The following CELSR2 variants were observed in gnomAD, a reference collection of about 807,000 sequenced individuals.
CELSR2 encodes the protein cadherin EGF LAG seven-pass G-type receptor 2.
Under a neutral mutation model 251.6 loss-of-function variants are expected in CELSR2, and 81 were observed. The ratio of observed to expected loss-of-function variants is 0.32; its 90% confidence interval spans 0.27 to 0.39. The LOEUF (loss-of-function observed/expected upper bound fraction) is 0.39. Among genes scored for constraint, CELSR2 ranks in the 10% least tolerant of loss-of-function variants. The pLI is 1.00. For synonymous variants in CELSR2, 1,721 were observed against 1,670.5 expected, an observed-to-expected ratio of 1.03 and a Z score of -0.74; for missense variants, 3,365 against 3,947.7, an observed-to-expected ratio of 0.85 and a Z score of 3.96.
In CELSR2 at chr1:109,270,147, ACT is replaced by A. The variant is rs1390663395; in HGVS notation, c.7308+15_7308+16del. 51 of 1,612,574 alleles carry A rather than the reference ACT, an allele frequency of 3.2e-5. No individual in the cohort carries two copies. Among genetic ancestry groups the A allele is most frequent in the Non-Finnish European group, 4.0e-5 (47 of 1,179,592 alleles). On this transcript the variant is annotated intron_variant, in intron 23 of 33. Transcript: ENST00000271332. ...GCTGACCTCCCTGTAAGATGCTCCTACTGCCCAGAAACTGTCCCCACCTTCTC... is the reference window on the plus strand; with the variant it reads ...GCTGACCTCCCTGTAAGATGCTCCTAGCCCAGAAACTGTCCCCACCTTCTC...
In CELSR2 at chr1:109,264,353, G is replaced by T; in HGVS notation, c.5277G>T (p.Arg1759=). The part of the protein sequence containing the change: ...GPAGGVARGF[R]GCLQGVRVSD... The stretch of plus-strand genomic sequence containing the variant: ...CCGGCGGTGTGGCCCGTGGCTTTCG[G>T]GGCTGTTTGCAGGTGAGTGTCCTGC... The change falls in exon 10 of 34, where the codon CGG becomes CGT. Residue 1759 remains arginine (R), a synonymous_variant. Transcript: ENST00000271332. 1 of 1,607,940 alleles carries T rather than the reference G, an allele frequency of 6.2e-7. No individual in the cohort carries two copies. Among genetic ancestry groups the T allele is most frequent in the Non-Finnish European group, 8.5e-7 (1 of 1,175,478 alleles).
At position 109,251,928 on chromosome 1, in the gene CELSR2, G is replaced by A. The variant is rs955665121; in HGVS notation, c.1849G>A (p.Val617Met). The A allele has an allele frequency of 1.9e-6, 3 of 1,614,162 alleles. No individual in the cohort carries two copies. Among genetic ancestry groups the A allele is most frequent in the East Asian group, 2.2e-5 (1 of 44,886 alleles). The change falls in exon 1 of 34, where the codon GTG (valine) becomes ATG (methionine). Residue 617 changes from valine (V) to methionine (M), a missense_variant. Coordinates refer to ENST00000271332, the MANE Select transcript of CELSR2 (RefSeq NM_001408.3). The surrounding 1 kb of genome is among the most constrained non-coding windows in gnomAD (Gnocchi z 4.9). ...NPTFTQPEYT[V>M]RLNEDAAVGT... ...AACCTTTACCCAACCAGAGTACACA[G>A]TGCGGCTCAATGAGGATGCAGCTGT... is the stretch of plus-strand genomic sequence containing the variant.
Position 109,258,688 on chromosome 1 carries a change from G to C in CELSR2, c.3567G>C (p.Gln1189His). ...HILNVSLSVGQPPGPGGGPPF... is the reference protein window; with the variant it reads ...HILNVSLSVGHPPGPGGGPPF... Reference sequence around the variant, plus strand: ...TCAACGTGAGCCTGTCGGTGGGCCAGCCGCCAGGGCCCGGGGGCGGGCCGC... The same window carrying C: ...TCAACGTGAGCCTGTCGGTGGGCCACCCGCCAGGGCCCGGGGGCGGGCCGC... Residue 1189 changes from glutamine to histidine, a missense_variant, in exon 2 of 34, where the codon CAG (glutamine) becomes CAC (histidine). Gln to His is a conservative substitution (Grantham distance 24, BLOSUM62 0). Transcript: ENST00000271332. 1 of 1,547,892 alleles carries C rather than the reference G, an allele frequency of 6.5e-7. No individual in the cohort carries two copies. Among genetic ancestry groups the C allele is most frequent in the Non-Finnish European group, 8.7e-7 (1 of 1,145,272 alleles).
At chr1:109,268,252 T>C (rs867997186) in intron 17 of CELSR2, among the ~76,000 whole-genome samples, 192 bp downstream of exon 17, 5 of 151,984 alleles carry the variant, frequency 3.3e-5, no homozygotes, top group South Asian at 2.1e-4. Flanking sequence ...TAGTAACATA[T>C]GTGTGTTGGG....
rs1212789624 is a variant in CELSR2 at position 109,263,960 on chromosome 1, C to T, written c.5002-118C>T. 2.1e-6 allele frequency: 3 copies of T among 1,426,362 alleles called. No individual in the cohort carries two copies. The Admixed American group carries it at 6.8e-5, about 32-fold the overall frequency. The allele number at this position is 1,426,362 out of a possible 1,614,324, so 88.4% of individuals were successfully genotyped here. ...CTGAGGGAAATAAATACGCTTTCCT[C>T]TCTATGGCCTCAGCTGGGCAGCGGG... On this transcript the variant is annotated intron_variant, in intron 9 of 33. Coordinates refer to ENST00000271332, the MANE Select transcript of CELSR2 (RefSeq NM_001408.3).
chr1:109,251,669 C>T lies in CELSR2; in HGVS notation c.1590C>T (p.Ile530=), dbSNP rs200453526. 31 of 1,613,926 alleles carry T rather than the reference C, an allele frequency of 1.9e-5. No homozygotes were observed. Among genetic ancestry groups the T allele is most frequent in the African/African-American group, 4.0e-5 (3 of 74,874 alleles). ...ACCTGGTTCTCCATGTCCAGGCTAT[C>T]GACGCTGATGCTGGTGACAATGCCC... ...LGYLVLHVQA[I]DADAGDNARL... is the part of the protein sequence containing the mutation. Residue 530 remains isoleucine, a synonymous_variant, in exon 1 of 34, where the codon ATC becomes ATT. Coordinates refer to ENST00000271332, the MANE Select transcript of CELSR2 (RefSeq NM_001408.3). This position sits in a 1 kb window ranked among gnomAD's most constrained non-coding sequence, Gnocchi z 4.9.
chr1:109,264,818 G>A, intron 11 of CELSR2, 50 bp from the exon 12 acceptor site: 5 of 1,612,844 alleles, frequency 3.1e-6, no homozygotes, highest in Non-Finnish European at 4.2e-6. Context: ...ATGGAAGATG[G>A]TGCCAGGGGA....
At position 109,252,897 on chromosome 1, in the gene CELSR2, G is replaced by A. The variant is rs762773564; in HGVS notation, c.2818G>A (p.Val940Met). Residue 940 changes from valine to methionine, a missense_variant, in exon 1 of 34, where the codon GTG becomes ATG. By Grantham distance (21) the Val-to-Met change is conservative (BLOSUM62 1). Transcript: ENST00000271332. This position sits in a 1 kb window ranked among gnomAD's most constrained non-coding sequence, Gnocchi z 4.8. ...AGAGAACAGCCCCATTGGGCTAGCC[G>A]TGGCCCGGGTCACAGCCACTGACCC... is the stretch of plus-strand genomic sequence containing the variant. The part of the protein sequence containing the change: ...VEENSPIGLA[V>M]ARVTATDPDE... 5 of 1,612,412 alleles carry A rather than the reference G, an allele frequency of 3.1e-6. No homozygotes were observed. Among genetic ancestry groups the A allele is most frequent in the East Asian group, 2.2e-5 (1 of 44,868 alleles).
At chr1:109,273,835 C>A in intron 33 of CELSR2, 165 bp downstream of exon 33, 1 of 1,014,984 alleles carries the variant, frequency 9.9e-7, no homozygotes, top group Non-Finnish European at 1.5e-6. Flanking sequence ...AACCATGGTG[C>A]CTTGCGGGGA....
At position 109,250,931 on chromosome 1, in the gene CELSR2, C is replaced by T. The variant is rs1230949720; in HGVS notation, c.852C>T (p.Asp284=). 2 of 1,613,696 alleles carry T rather than the reference C, an allele frequency of 1.2e-6. No individual in the cohort carries two copies. Among genetic ancestry groups the T allele is most frequent in the South Asian group, 1.1e-5 (1 of 91,090 alleles). Residue 284 remains aspartate (D), a synonymous_variant, in exon 1 of 34, where the codon GAC becomes GAT. Transcript: ENST00000271332. This position sits in a 1 kb window ranked among gnomAD's most constrained non-coding sequence, Gnocchi z 4.4. The part of the protein sequence containing the change: ...TLTILVTDTN[D]HDPVFEQQEY... ...CCATCTTGGTTACTGACACCAATGACCATGACCCTGTGTTCGAGCAGCAGG... is the reference window on the plus strand; with the variant it reads ...CCATCTTGGTTACTGACACCAATGATCATGACCCTGTGTTCGAGCAGCAGG...
rs1656494277 is a variant in CELSR2, at chr1:109,275,159, AC to A, written c.*1114del. ...CCTGTTCCTCTTTCTCCCCGACTCCACCCCAGCTCCCTGTGAAGAGAGAGTT... is the reference window on the plus strand; with the variant it reads ...CCTGTTCCTCTTTCTCCCCGACTCCACCCAGCTCCCTGTGAAGAGAGAGTT... On this transcript the variant is annotated 3_prime_UTR_variant, in exon 34 of 34. Transcript: ENST00000271332. 6.6e-6 allele frequency: 1 copy of A among 151,614 alleles called. No individual in the cohort carries two copies. Among genetic ancestry groups the A allele is most frequent in the Middle Eastern group, 3.1e-3 (1 of 318 alleles). The allele number at this position is 151,614 out of a possible 1,614,324, so 9.4% of individuals were successfully genotyped here. A position where few individuals can be genotyped will look rare whatever the true frequency, so the allele number is the denominator to read the frequency against.
At position 109,261,900 on chromosome 1, in the gene CELSR2, G is replaced by T. The variant is rs1191768931; in HGVS notation, c.4386+4G>T. The T allele has an allele frequency of 1.9e-6, 3 of 1,570,950 alleles. No individual in the cohort carries two copies. Among genetic ancestry groups the T allele is most frequent in the East Asian group, 2.4e-5 (1 of 42,252 alleles). ...GCAGCTGAAATACTACAATAAGGTGGGTGTGGAGGGCACAGAGGGTTGGGG... is the reference window on the plus strand; with the variant it reads ...GCAGCTGAAATACTACAATAAGGTGTGTGTGGAGGGCACAGAGGGTTGGGG... On this transcript the variant is annotated splice_donor_region_variant and intron_variant, in intron 5 of 33. Transcript: ENST00000271332. This position sits in a 1 kb window ranked among gnomAD's most constrained non-coding sequence, Gnocchi z 4.8.
intron 2 of CELSR2, among the ~76,000 whole-genome samples, chr1:109,259,951 T>G (rs1486040123): frequency 1.3e-5 from 2 of 152,036 alleles, no homozygotes; most frequent in Admixed American, 6.5e-5. Context: ...CCCTTCCCTG[T>G]GGGCCTTTCC....
At position 109,263,676 on chromosome 1, in the gene CELSR2, A is replaced by G. The variant is rs1175356544; in HGVS notation, c.4900A>G (p.Ile1634Val). 3 of 1,613,958 alleles carry G rather than the reference A, an allele frequency of 1.9e-6. No individual in the cohort carries two copies. The highest frequency in any genetic ancestry group is 2.2e-5 in the East Asian group (1 of 44,876). The change falls in exon 9 of 34, where the codon ATC becomes GTC. Residue 1634 changes from isoleucine to valine, a missense_variant. By Grantham distance (29) the Ile-to-Val change is conservative (BLOSUM62 3). This residue lies in a region of CELSR2 where 2,093 missense variants were observed against 2,382.8 expected (regional missense o/e 0.88). Coordinates refer to ENST00000271332, the MANE Select transcript of CELSR2 (RefSeq NM_001408.3). ...LVAWHGLSLP[I>V]SQPWYLSLMF... ...GGCCTGGCATGGCCTCTCGCTGCCCATCTCCCAACCCTGGTACCTCAGCCT... is the reference window on the plus strand; with the variant it reads ...GGCCTGGCATGGCCTCTCGCTGCCCGTCTCCCAACCCTGGTACCTCAGCCT...
In CELSR2 at chr1:109,274,259, C is replaced by G; in HGVS notation, c.*210C>G. 1 of 1,272,730 alleles carries G rather than the reference C, an allele frequency of 7.9e-7. No individual in the cohort carries two copies. The highest frequency in any genetic ancestry group is 1.6e-5 in the South Asian group (1 of 62,672). 78.8% of individuals were successfully genotyped at this position (1,272,730 alleles called of 1,614,324 possible). On this transcript the variant is annotated 3_prime_UTR_variant, in exon 34 of 34. Coordinates refer to ENST00000271332, the MANE Select transcript of CELSR2 (RefSeq NM_001408.3). Reference sequence around the variant, plus strand: ...TGCCAACTCCCCCCCCACCATTCCCCTCACTGCACTTTGGACCCCTGGGGC... The same window carrying G: ...TGCCAACTCCCCCCCCACCATTCCCGTCACTGCACTTTGGACCCCTGGGGC...
In CELSR2 at chr1:109,262,803, C is replaced by A. The variant is rs564207631; in HGVS notation, c.4545-3C>A. ...TGTGCCGCCACCATCTTTGCTCCCCCAGGTCTCTGGATCTGACGGGGCCCC... is the reference window on the plus strand; with the variant it reads ...TGTGCCGCCACCATCTTTGCTCCCCAAGGTCTCTGGATCTGACGGGGCCCC... On this transcript the variant is annotated splice_region_variant and splice_polypyrimidine_tract_variant and intron_variant, in intron 6 of 33. Transcript: ENST00000271332. 6.2e-7 allele frequency: 1 copy of A among 1,610,770 alleles called. No homozygotes were observed. The highest frequency in any genetic ancestry group is 1.7e-5 in the Admixed American group (1 of 59,972).
chr1:109,259,639 T>A (rs552617045), intron 2 of CELSR2, among the ~76,000 whole-genome samples: 5 of 152,250 alleles, frequency 3.3e-5, no homozygotes, highest in African/African-American at 9.6e-5. Context: ...TTTTCTGAGC[T>A]GCAGCAAGTA....
In CELSR2 at chr1:109,265,183, C is replaced by T; in HGVS notation, c.5607-8C>T. On this transcript the variant is annotated splice_region_variant and splice_polypyrimidine_tract_variant and intron_variant, in intron 12 of 33. Coordinates refer to ENST00000271332, the MANE Select transcript of CELSR2 (RefSeq NM_001408.3). ...GGAGCTCATGCCTACCTGGGTCCCT[C>T]TCTGCAGGATTGACCAGCCTTGTCC... 1 of 1,589,382 alleles carries T rather than the reference C, an allele frequency of 6.3e-7. No individual in the cohort carries two copies. The highest frequency in any genetic ancestry group is 8.6e-7 in the Non-Finnish European group (1 of 1,166,174).
At chr1:109,265,976 C>A in intron 14 of CELSR2, 58 bp downstream of exon 14, 1 of 1,582,288 alleles carries the variant, frequency 6.3e-7, no homozygotes, top group Admixed American at 1.7e-5. Flanking sequence ...CACCTGCACC[C>A]CAGGAAAGCC....
Sources: allele counts gnomAD v4.1 joint callset (sites outside exome capture counted in the v4.1 genomes callset), GRCh38; gene constraint gnomAD v4.1.1; regional missense constraint gnomAD v4.1.1; non-coding constraint Gnocchi (gnomAD v3.1); transcripts MANE v1.5; gene names NCBI Gene and HGNC (gene_info 2026-07-23, HGNC 2026-07-21).